Variants in PPARG observed in about 807,000 individuals in gnomAD.
The protein encoded by PPARG is peroxisome proliferator-activated receptor gamma.
Under a neutral mutation model 39.2 loss-of-function variants are expected in PPARG, and 17 were observed. That is an observed-to-expected ratio of 0.43 (90% CI 0.30 to 0.65). The LOEUF is 0.65. Ranked by LOEUF, PPARG falls within the 30% of genes least tolerant of loss-of-function variation. The probability of loss-of-function intolerance (pLI) is 0.13; values close to 1 mark genes in which losing one functional copy is unlikely to be tolerated. For missense variants in PPARG, 406 were observed against 585.9 expected (o/e 0.69, Z 3.17); for synonymous variants, 223 against 215.7 (o/e 1.03, Z -0.30).
intron 7 of PPARG, among the ~76,000 whole-genome samples, chr3:12,418,004 T>G (rs2051137137): frequency 6.7e-6 from 1 of 148,182 alleles, no homozygotes. Context: ...CTAACTGCAG[T>G]TAGTAAGCTA....
rs552733282 is a variant in PPARG at position 12,352,024 on chromosome 3, CT to C, written c.-8-27675del. Among the ~76,000 whole-genome samples, 590 of 152,286 alleles carry C rather than the reference CT, an allele frequency of 3.9e-3. 7 individuals are homozygous for C. Among genetic ancestry groups the C allele is most frequent in the Middle Eastern group, 0.024 (7 of 294 alleles). On this transcript the variant is annotated intron_variant, in intron 2 of 7. Coordinates refer to ENST00000651735, the MANE Select transcript of PPARG (RefSeq NM_138711.6). ...AGGGCTTTTTAGACTTGAAGGGTCA[CT>C]TTTTCCTCTTTTCATCTCATATGTT...
intron 2 of PPARG, among the ~76,000 whole-genome samples, chr3:12,362,468 A>G (rs974916111): frequency 6.6e-6 from 1 of 152,082 alleles, no homozygotes; most frequent in Admixed American, 6.6e-5. Flanking sequence ...GGAGTGAGCT[A>G]AGATAATGCC....
chr3:12,410,231 A>G (rs2050833898), intron 6 of PPARG, among the ~76,000 whole-genome samples: 1 of 152,074 alleles, frequency 6.6e-6, no homozygotes, highest in African/African-American at 2.4e-5. Flanking sequence ...TATTTAAGAG[A>G]TCTTTGTGCG....
intron 2 of PPARG, among the ~76,000 whole-genome samples, chr3:12,313,535 T>C (rs2047307933): frequency 6.6e-6 from 1 of 152,150 alleles, no homozygotes; most frequent in South Asian, 2.1e-4. Context: ...AAGCAAATAT[T>C]CCAAAATCCA....
At chr3:12,375,872 C>A (rs1448220139) in intron 2 of PPARG, among the ~76,000 whole-genome samples, 1 of 152,004 alleles carries the variant, frequency 6.6e-6, no homozygotes, top group Non-Finnish European at 1.5e-5. Flanking sequence ...ACATGTGAAC[C>A]CATACGGTAC....
intron 2 of PPARG, among the ~76,000 whole-genome samples, chr3:12,379,030 G>T (rs917104972): frequency 6.6e-5 from 10 of 151,694 alleles, no homozygotes; most frequent in African/African-American, 1.2e-4. Flanking sequence ...TTTTTGAGGT[G>T]GAGTCTTGCT....
At chr3:12,292,956 C>T (rs886618673) in intron 1 of PPARG, among the ~76,000 whole-genome samples, 1 of 152,140 alleles carries the variant, frequency 6.6e-6, no homozygotes, top group Non-Finnish European at 1.5e-5. Context: ...GATGCAGAGG[C>T]GAAGGCAAAG....
intron 2 of PPARG, chr3:12,351,737 C>T (rs1244177458): frequency 2.3e-6 from 3 of 1,310,348 alleles, no homozygotes; most frequent in African/African-American, 2.9e-5. Flanking sequence ...GGTAAAATTG[C>T]TCTTGTAGTT....
chr3:12,313,063 A>G (rs955482408), intron 2 of PPARG, among the ~76,000 whole-genome samples: 10 of 152,180 alleles, frequency 6.6e-5, no homozygotes, highest in Admixed American at 6.5e-5. Context: ...GTTCCAAGAC[A>G]GTTCTTAGTC....
chr3:12,357,118 A>G (rs1284390902), intron 2 of PPARG, among the ~76,000 whole-genome samples: 3 of 151,808 alleles, frequency 2.0e-5, no homozygotes, highest in Non-Finnish European at 2.9e-5. Flanking sequence ...TCCTAACCTC[A>G]CAACAGCCTA....
At chr3:12,310,225 C>T (rs931561547) in intron 1 of PPARG, among the ~76,000 whole-genome samples, 9 of 152,016 alleles carry the variant, frequency 5.9e-5, no homozygotes, top group East Asian at 1.9e-4. Flanking sequence ...CTGTTTGATC[C>T]GACACTTGGG....
intron 5 of PPARG, among the ~76,000 whole-genome samples, chr3:12,403,217 C>T (rs71624935): frequency 1 from 150,958 of 150,962 alleles, 75,477 homozygotes; most frequent in Middle Eastern, 1. Flanking sequence ...CGCTTGAACC[C>T]AGGAGGTCGA....
intron 7 of PPARG, among the ~76,000 whole-genome samples, chr3:12,432,351 T>C (rs1351582726): frequency 6.6e-6 from 1 of 152,234 alleles, no homozygotes; most frequent in African/African-American, 2.4e-5. Context: ...ATTAATGTAA[T>C]TCACTGTGCT....
intron 2 of PPARG, chr3:12,328,215 C>G (rs1162862998): frequency 6.7e-7 from 1 of 1,500,850 alleles, no homozygotes; most frequent in South Asian, 1.2e-5. Context: ...CTACCTGGAG[C>G]GGAGCGTTAA....
At chr3:12,311,106 T>A (rs11719186) in intron 1 of PPARG, among the ~76,000 whole-genome samples, 39,935 of 151,158 alleles carry the variant, frequency 0.26, 5,316 homozygotes, top group East Asian at 0.33. Flanking sequence ...TGTATTAAAA[T>A]TTTTTTTTTA....
intron 1 of PPARG, among the ~76,000 whole-genome samples, chr3:12,298,704 A>G (rs1303852598): frequency 6.6e-6 from 1 of 152,374 alleles, no homozygotes; most frequent in Non-Finnish European, 1.5e-5. Context: ...ATGATAAGCC[A>G]AGACAAACTT....
chr3:12,369,444 A>T (rs931622685), intron 2 of PPARG, among the ~76,000 whole-genome samples: 1 of 152,144 alleles, frequency 6.6e-6, no homozygotes, highest in Admixed American at 6.6e-5. Flanking sequence ...GTGAGCTGTG[A>T]TTGCGTTACA....
chr3:12,301,136 T>A (rs1214230024), intron 1 of PPARG, among the ~76,000 whole-genome samples: 2 of 152,252 alleles, frequency 1.3e-5, no homozygotes, highest in African/African-American at 4.8e-5. Context: ...GGGAAAAATG[T>A]TAATTATAGA....
At chr3:12,326,442 T>G (rs1488317192) in intron 2 of PPARG, among the ~76,000 whole-genome samples, 1 of 152,226 alleles carries the variant, frequency 6.6e-6, no homozygotes, top group African/African-American at 2.4e-5. Context: ...CTGGTTAATG[T>G]TCTCAAATGA....
Sources: gnomAD v4.1 joint callset for allele counts (sites outside exome capture counted in the v4.1 genomes callset) on GRCh38, gnomAD v4.1.1 for gene constraint, MANE v1.5 for transcripts, NCBI Gene and HGNC (gene_info 2026-07-23, HGNC 2026-07-21) for gene names.